STIP1: variants seen among roughly 807,000 people sequenced by gnomAD.
The protein encoded by STIP1 is stress induced phosphoprotein 1.
A neutral mutation model predicts 77.4 loss-of-function variants in STIP1; 16 were observed. The ratio of observed to expected loss-of-function variants is 0.21; its 90% CI spans 0.14 to 0.31. The LOEUF (loss-of-function observed/expected upper bound fraction) is 0.31. STIP1 is among the 10% of genes least tolerant of loss of function. The pLI, the probability that STIP1 is intolerant of heterozygous loss-of-function variation, is 1.00. For missense variants in STIP1, 524 were observed against 684.8 expected (o/e 0.77, Z 2.62); for synonymous variants, 258 against 246.6 (o/e 1.05, Z -0.44).
chr11:64,191,175 G>C (rs1169776200), intron 1 of STIP1, among the ~76,000 whole-genome samples: 2 of 139,256 alleles, frequency 1.4e-5, no homozygotes, highest in African/African-American at 5.4e-5. Context: ...CAACCAGAGT[G>C]AAACTCTGTC....
chr11:64,189,044 G>T (rs1483955185), intron 1 of STIP1, among the ~76,000 whole-genome samples: 2 of 152,252 alleles, frequency 1.3e-5, no homozygotes, highest in Non-Finnish European at 2.9e-5. Context: ...GTGAAACCCC[G>T]TCTCTAGTAA....
rs138538254 is a variant in STIP1, at chr11:64,186,925, C to T, written c.9+655C>T. ...GAAAGGGAAGGGTGCCGCAAAAGTC[C>T]TTGGGACGAATTCCATCTCTGACAG... On this transcript the variant is annotated intron_variant, in intron 1 of 13. Coordinates refer to ENST00000305218, the MANE Select transcript of STIP1 (RefSeq NM_006819.3). Among the ~76,000 whole-genome samples, 254 of 152,278 alleles carry T rather than the reference C, an allele frequency of 1.7e-3. 2 individuals are homozygous for T. Among genetic ancestry groups the T allele is most frequent in the African/African-American group, 5.7e-3 (237 of 41,530 alleles).
rs35484605 is a variant in STIP1, at chr11:64,200,590, C to CGTGTGTGT, written c.1245+328_1245+335dup. Among the ~76,000 whole-genome samples, 153 of 141,294 alleles carry CGTGTGTGT rather than the reference C, an allele frequency of 1.1e-3. 1 individual carries two copies. The highest frequency in any genetic ancestry group is 3.6e-3 in the South Asian group (15 of 4,188). 92.7% of individuals were successfully genotyped at this position (141,294 alleles called of 152,430 possible). ...AATATGGGACCTGTATCTAACTGGT[C>CGTGTGTGT]GTGTGTGTGTGTGTGTGTGTGTGTG... is the stretch of plus-strand genomic sequence containing the variant. On this transcript the variant is annotated intron_variant, in intron 10 of 13. Transcript: ENST00000305218.
upstream of STIP1, chr11:64,186,112 C>T (rs965217251): frequency 4.5e-6 from 7 of 1,550,402 alleles, no homozygotes; most frequent in Admixed American, 2.0e-5. Flanking sequence ...ACAGACATTC[C>T]CCCTAGAAGA....
Position 64,190,878 on chromosome 11 carries a change from T to A in STIP1, c.10-2200T>A, listed in dbSNP as rs191152760. On this transcript the variant is annotated intron_variant, in intron 1 of 13. Transcript: ENST00000305218. ...AGCCAGGCATGGTGACACACACTTGTAGTCCCAGCTACTTAAAAGGCTGAG... is the reference window on the plus strand; with the variant it reads ...AGCCAGGCATGGTGACACACACTTGAAGTCCCAGCTACTTAAAAGGCTGAG... Among the ~76,000 whole-genome samples the A allele has an allele frequency of 2.4e-3, 359 of 152,174 alleles. 3 individuals carry two copies. The highest frequency in any genetic ancestry group is 8.4e-3 in the African/African-American group (348 of 41,514).
chr11:64,188,343 CA>C (rs35340432), intron 1 of STIP1, among the ~76,000 whole-genome samples: 38,444 of 100,406 alleles, frequency 0.38, 5,114 homozygotes, highest in Admixed American at 0.47. Context: ...GACTCCATCT[CA>C]AAAAAAAAAA....
At chr11:64,197,116 TTATTGTC>T (rs1300795507) in intron 5 of STIP1, 148 bp from the exon 6 acceptor site, 48 of 941,312 alleles carry the variant, frequency 5.1e-5, no homozygotes, top group Non-Finnish European at 7.1e-5. Flanking sequence ...GGCTGATACT[TTATTGTC>T]TATAGCTGAC....
chr11:64,190,335 G>T (rs530585153), intron 1 of STIP1, among the ~76,000 whole-genome samples: 8 of 152,064 alleles, frequency 5.3e-5, no homozygotes, highest in African/African-American at 1.9e-4. Context: ...CACCACGCCC[G>T]GCTAATTTTT....
At position 64,199,961 on chromosome 11, in the gene STIP1, C is replaced by G. The variant is rs1026106281; in HGVS notation, c.1045C>G (p.Gln349Glu). Residue 349 changes from glutamine to glutamate, a missense_variant, in exon 9 of 14, where the codon CAA (glutamine) becomes GAA (glutamate). Gln to Glu is a conservative substitution (Grantham distance 29, BLOSUM62 2). Transcript: ENST00000305218. ...GTAGGCAGAGAAAATCCTGAAGGAG[C>G]AAGAGCGGCTGGCCTACATAAACCC... ...CQQAEKILKE[Q>E]ERLAYINPDL... is the part of the protein sequence containing the mutation. 1.2e-6 allele frequency: 2 copies of G among 1,614,010 alleles called. No individual in the cohort carries two copies. Among genetic ancestry groups the G allele is most frequent in the African/African-American group, 1.3e-5 (1 of 74,906 alleles).
rs1946263068 is a variant in STIP1 at position 64,204,515 on chromosome 11, A to G, written c.*389A>G. 2 of 229,314 alleles carry G rather than the reference A, an allele frequency of 8.7e-6. No homozygotes were observed. Among genetic ancestry groups the G allele is most frequent in the Non-Finnish European group, 1.7e-5 (2 of 118,684 alleles). 14.2% of individuals were successfully genotyped at this position (229,314 alleles called of 1,614,324 possible). A position where few individuals can be genotyped will look rare whatever the true frequency, so the allele number is the denominator to read the frequency against. ...TGTTTATTCTGCGTCCCCTTCTCCA[A>G]TAAAACAAGCCAGTTGGGCGTGGTT... On this transcript the variant is annotated 3_prime_UTR_variant, in exon 14 of 14. Coordinates refer to ENST00000305218, the MANE Select transcript of STIP1 (RefSeq NM_006819.3).
upstream of STIP1, chr11:64,185,648 AGGCCCCGC>A (rs1946001831): frequency 6.1e-6 from 5 of 825,124 alleles, no homozygotes; most frequent in Non-Finnish European, 9.2e-6. Context: ...AGCAACCCAG[AGGCCCCGC>A]AGCCGCCGGC....
At chr11:64,188,263 C>G (rs929275126) in intron 1 of STIP1, among the ~76,000 whole-genome samples, 3 of 149,862 alleles carry the variant, frequency 2.0e-5, no homozygotes, top group East Asian at 2.0e-4. Flanking sequence ...AGAATTGCTT[C>G]AACCCGGGAG....
chr11:64,197,206 TC>T, intron 5 of STIP1, 64 bp from the exon 6 acceptor site: 5 of 1,599,746 alleles, frequency 3.1e-6, no homozygotes, highest in Non-Finnish European at 3.4e-6. Flanking sequence ...TTGTGACAGA[TC>T]ATAGATTCTT....
intron 2 of STIP1, chr11:64,193,500 A>G: frequency 3.5e-6 from 2 of 569,822 alleles, no homozygotes; most frequent in Non-Finnish European, 6.2e-6. Context: ...GGAAGAGGCC[A>G]GGGCTGGGCG....
chr11:64,200,057 A>G, intron 9 of STIP1, 21 bp downstream of exon 9: 2 of 1,613,966 alleles, frequency 1.2e-6, no homozygotes, highest in Middle Eastern at 1.6e-4. Flanking sequence ...CAGCTGGGGG[A>G]TTGGGGGAGC....
At chr11:64,185,939 G>A (rs1946007836), upstream of STIP1, 1 of 1,536,758 alleles carries the variant, frequency 6.5e-7, no homozygotes, top group South Asian at 1.2e-5. Flanking sequence ...TGTCGCAGAA[G>A]TTCGCTCCTC....
intron 5 of STIP1, chr11:64,196,740 A>G (rs1198671931): frequency 6.4e-6 from 1 of 156,024 alleles, no homozygotes; most frequent in African/African-American, 2.4e-5. Context: ...CAAATTTAGC[A>G]CCTTGAAATG....
chr11:64,203,735 A>G, intron 13 of STIP1, 113 bp downstream of exon 13: 2 of 1,393,862 alleles, frequency 1.4e-6, no homozygotes, highest in Non-Finnish European at 2.0e-6. Context: ...GAATTCTGTC[A>G]TTCTTCCTAA....
At chr11:64,186,636 TGGGCCGG>T (rs1335131779) in intron 1 of STIP1, 1 of 27,474 alleles carries the variant, frequency 3.6e-5, no homozygotes, top group Non-Finnish European at 7.5e-5. Flanking sequence ...GGGGTGGAGG[TGGGCCGG>T]GGGCCGGGGT....
Sources: gnomAD v4.1 joint callset for allele counts (sites outside exome capture counted in the v4.1 genomes callset) on GRCh38, gnomAD v4.1.1 for gene constraint, MANE v1.5 for transcripts, NCBI Gene and HGNC (gene_info 2026-07-23, HGNC 2026-07-21) for gene names.